The following ATP1B4 variants were observed in gnomAD, a reference collection of about 807,000 sequenced individuals.
ATP1B4 encodes ATPase Na+/K+ transporting family member beta 4.
In ATP1B4, 32 loss-of-function variants were observed where a neutral mutation model predicts 29.6. The ratio of observed to expected loss-of-function variants is 1.08; its 90% confidence interval spans 0.82 to 1.45. ATP1B4 has a LOEUF of 1.45. Ranked by LOEUF, ATP1B4 falls within the 40% of genes most tolerant of loss-of-function variation. ATP1B4 has a pLI of 0.00. For synonymous variants in ATP1B4, 127 were observed against 102.1 expected (o/e 1.24, Z -1.47); for missense variants, 323 against 276.2 (o/e 1.17, Z -1.20).
In ATP1B4 at chrX:120,372,933, G is replaced by A. The variant is rs150688790; in HGVS notation, c.562+1723G>A. Among the ~76,000 whole-genome samples, 276 of 111,960 alleles carry A rather than the reference G, an allele frequency of 2.5e-3. 1 individual carries two copies. The highest frequency in any genetic ancestry group is 8.0e-3 in the African/African-American group (247 of 30,843). ...CATGGCCAGCACAGTATCTTCTTTTGTTTCAGAATGCTTGCAAGCGATTGC... is the reference window on the plus strand; with the variant it reads ...CATGGCCAGCACAGTATCTTCTTTTATTTCAGAATGCTTGCAAGCGATTGC... On this transcript the variant is annotated intron_variant, in intron 4 of 7. Transcript: ENST00000218008.
rs774880830 is a variant in ATP1B4, at chrX:120,366,592, G to C, written c.131G>C (p.Arg44Pro). The C allele has an allele frequency of 3.3e-6, 4 of 1,201,177 alleles. No homozygotes were observed. The highest frequency in any genetic ancestry group is 4.5e-6 in the Non-Finnish European group (4 of 886,440). The change falls in exon 2 of 8, where the codon CGG (arginine) becomes CCG (proline). Residue 44 changes from arginine to proline, a missense_variant. By Grantham distance (103) the Arg-to-Pro change is moderately radical (BLOSUM62 -2). Coordinates refer to ENST00000218008, the MANE Select transcript of ATP1B4 (RefSeq NM_001142447.3). The part of the protein sequence containing the change: ...DEEEEAEEEA[R>P]VTVVPKSEEE... ...GAGGAGGAAGCAGAAGAAGAGGCTC[G>C]GGTGACGGTGGTGCCCAAATCGGAG...
chrX:120,374,803 T>G (rs771268603), intron 4 of ATP1B4, among the ~76,000 whole-genome samples: 5,729 of 30,706 alleles, frequency 0.19, 1,978 homozygotes, highest in Middle Eastern at 0.36. Flanking sequence ...CCCTTATATA[T>G]ATTATATTAT....
In ATP1B4 at chrX:120,366,531, C is replaced by A; in HGVS notation, c.70C>A (p.Pro24Thr). Residue 24 changes from proline (P) to threonine (T), a missense_variant, in exon 2 of 8, where the codon CCG (proline) becomes ACG (threonine). Transcript: ENST00000218008. ...TGTTTTGTCACTGTTCCAGGATGAT[C>A]CGGATGAAGCGAACCAGAACTACTT... ...PYSYRYRLDD[P>T]DEANQNYLAD... 5.0e-6 allele frequency: 6 copies of A among 1,205,285 alleles called. 2 individuals carry two copies. The Middle Eastern group carries it at 1.4e-3, about 278-fold the overall frequency.
chrX:120,375,695 T>TA, intron 5 of ATP1B4, 127 bp downstream of exon 5: 2 of 514,359 alleles, frequency 3.9e-6, no homozygotes, highest in Non-Finnish European at 6.2e-6. Flanking sequence ...GACAGTATCA[T>TA]AAATACAAAT....
Position 120,371,187 on chromosome X carries a change from T to A in ATP1B4, c.539T>A (p.Ile180Asn). The A allele has an allele frequency of 8.3e-7, 1 of 1,208,159 alleles. No homozygotes were observed. The highest frequency in any genetic ancestry group is 1.1e-6 in the Non-Finnish European group (1 of 892,191). The change falls in exon 4 of 8, where the codon ATT becomes AAT. Residue 180 changes from isoleucine to asparagine, a missense_variant. By Grantham distance (149) the Ile-to-Asn change is moderately radical. Transcript: ENST00000218008. ...SEPDTWQHYVISLNGFLQGYN... is the reference protein window; with the variant it reads ...SEPDTWQHYVNSLNGFLQGYN... ...CCCGACACTTGGCAGCATTATGTGA[T>A]TAGCCTAAATGGCTTTCTCCAGGGT...
At chrX:120,378,816 A>T (rs1215537238) in intron 7 of ATP1B4, 43 bp downstream of exon 7, 1 of 1,098,184 alleles carries the variant, frequency 9.1e-7, no homozygotes, top group South Asian at 1.8e-5. Context: ...GAAAGGGCTC[A>T]GTGACAAAAG....
Position 120,376,493 on chromosome X carries a change from G to C in ATP1B4, c.816+57G>C, listed in dbSNP as rs367656970. ...CACATCTGTTTCATGCAAAAAGGTA[G>C]TCCATCACTTTCAAGGACTTACACA... On this transcript the variant is annotated intron_variant, in intron 6 of 7. Coordinates refer to ENST00000218008, the MANE Select transcript of ATP1B4 (RefSeq NM_001142447.3). The C allele has an allele frequency of 7.5e-4, 797 of 1,060,304 alleles. 1 individual carries two copies. The highest frequency in any genetic ancestry group is 3.7e-3 in the Middle Eastern group (15 of 4,026). 87.4% of individuals were successfully genotyped at this position (1,060,304 alleles called of 1,213,427 possible).
intron 1 of ATP1B4, among the ~76,000 whole-genome samples, chrX:120,366,011 TGGC>T (rs1319407110): frequency 8.9e-5 from 10 of 111,916 alleles, no homozygotes; most frequent in African/African-American, 3.3e-4. Flanking sequence ...GTACAGCAGT[TGGC>T]CTCTCCTCCT....
intron 1 of ATP1B4, among the ~76,000 whole-genome samples, chrX:120,365,580 C>A (rs1001902492): frequency 1.8e-4 from 20 of 112,508 alleles, no homozygotes; most frequent in African/African-American, 6.5e-4. Context: ...GAAGGGAGGG[C>A]AGCCTCATTT....
chrX:120,379,380 T>C (rs2058371566), intron 7 of ATP1B4, 93 bp from the exon 8 acceptor site: 1 of 875,908 alleles, frequency 1.1e-6, no homozygotes. Context: ...TACTCAGTTC[T>C]CTTTGTGAGG....
intron 2 of ATP1B4, among the ~76,000 whole-genome samples, chrX:120,370,147 G>A (rs758991860): frequency 3.6e-5 from 4 of 111,686 alleles, no homozygotes; most frequent in Non-Finnish European, 7.5e-5. Context: ...TTTTTGAAAA[G>A]CAGAGCCATT....
chrX:120,362,147 C>T lies in ATP1B4; in HGVS notation c.-22C>T, dbSNP rs771943317. 18 of 1,200,672 alleles carry T rather than the reference C, an allele frequency of 1.5e-5. No homozygotes were observed. The highest frequency in any genetic ancestry group is 1.2e-4 in the African/African-American group (7 of 56,827). On this transcript the variant is annotated 5_prime_UTR_variant, in exon 1 of 8. Transcript: ENST00000218008. ...CTCACCCGATTGCCTGCCTCTGCTG[C>T]GTCTTTGCCCACTGAACAGCCATGA...
At chrX:120,370,680 A>G (rs1472595303) in intron 2 of ATP1B4, 35 bp from the exon 3 acceptor site, 1 of 1,202,302 alleles carries the variant, frequency 8.3e-7, no homozygotes, top group African/African-American at 1.7e-5. Flanking sequence ...CTTGTTGGCA[A>G]GCACTGACCA....
chrX:120,378,297 C>A (rs1191725086), intron 6 of ATP1B4, among the ~76,000 whole-genome samples: 2 of 111,621 alleles, frequency 1.8e-5, no homozygotes, highest in African/African-American at 6.5e-5. Context: ...GGGTGCCAGG[C>A]CCAGTGTGGT....
rs2058380008 is a variant in ATP1B4 at position 120,381,318 on chromosome X, C to T, written c.*1684C>T. On this transcript the variant is annotated 3_prime_UTR_variant, in exon 8 of 8. Coordinates refer to ENST00000218008, the MANE Select transcript of ATP1B4 (RefSeq NM_001142447.3). ...AGGAATGGCAGGGATGGCAAGAGAT[C>T]CAGCTAGAGAGGTATTCAGGGATGG... is the stretch of plus-strand genomic sequence containing the variant. 1 of 111,842 alleles carries T rather than the reference C, an allele frequency of 8.9e-6. No homozygotes were observed. The highest frequency in any genetic ancestry group is 1.9e-5 in the Non-Finnish European group (1 of 53,163). 9.2% of individuals were successfully genotyped at this position (111,842 alleles called of 1,213,427 possible).
In ATP1B4 at chrX:120,379,488, C is replaced by T. The variant is rs200756053; in HGVS notation, c.928C>T (p.Pro310Ser). Residue 310 changes from proline to serine, a missense_variant, in exon 8 of 8, where the codon CCC becomes TCC. By Grantham distance (74) the Pro-to-Ser change is moderately conservative. Transcript: ENST00000218008. Reference protein sequence around the residue: ...GKLTHVNYTSPLVAMHFTDVV... With the variant: ...GKLTHVNYTSSLVAMHFTDVV... ...CTACCTGCAGGTTAACTACACATCC[C>T]CCTTGGTGGCAATGCACTTTACAGA... is the stretch of plus-strand genomic sequence containing the variant. 1 of 1,206,667 alleles carries T rather than the reference C, an allele frequency of 8.3e-7. No homozygotes were observed.
rs913536451 is a variant in ATP1B4 at position 120,381,218 on chromosome X, C to T, written c.*1584C>T. 9.0e-6 allele frequency: 1 copy of T among 111,566 alleles called. No individual in the cohort carries two copies. Among genetic ancestry groups the T allele is most frequent in the Non-Finnish European group, 1.9e-5 (1 of 53,100 alleles). 9.2% of individuals were successfully genotyped at this position (111,566 alleles called of 1,213,427 possible). A position where few individuals can be genotyped will look rare whatever the true frequency, so the allele number is the denominator to read the frequency against. On this transcript the variant is annotated 3_prime_UTR_variant, in exon 8 of 8. Coordinates refer to ENST00000218008, the MANE Select transcript of ATP1B4 (RefSeq NM_001142447.3). Reference sequence around the variant, plus strand: ...AGCAGAGGAAATTTCACATGCAAAGCCACAGTCATGAAGAGACCATGGTGT... The same window carrying T: ...AGCAGAGGAAATTTCACATGCAAAGTCACAGTCATGAAGAGACCATGGTGT...
intron 5 of ATP1B4, 52 bp downstream of exon 5, chrX:120,375,620 G>A (rs151221848): frequency 1.2e-3 from 1,291 of 1,055,629 alleles, no homozygotes; most frequent in African/African-American, 1.6e-3. Context: ...CTAGATAGGA[G>A]GGCTCTGGCC....
Position 120,375,588 on chromosome X carries a change from C to G in ATP1B4, c.759+20C>G, listed in dbSNP as rs367832074. Reference sequence around the variant, plus strand: ...AACCGGGTATATTGGCTTTTCATATCTGGTGGTGATAAGCGAATGAACTAG... The same window carrying G: ...AACCGGGTATATTGGCTTTTCATATGTGGTGGTGATAAGCGAATGAACTAG... On this transcript the variant is annotated intron_variant, in intron 5 of 7. Coordinates refer to ENST00000218008, the MANE Select transcript of ATP1B4 (RefSeq NM_001142447.3). The G allele has an allele frequency of 8.5e-7, 1 of 1,178,751 alleles. No individual in the cohort carries two copies.
Sources: gnomAD v4.1 joint callset for allele counts (sites outside exome capture counted in the v4.1 genomes callset) on GRCh38, gnomAD v4.1.1 for gene constraint, MANE v1.5 for transcripts, NCBI Gene and HGNC (gene_info 2026-07-23, HGNC 2026-07-21) for gene names.